The following SPRY4 variants were observed in gnomAD, a reference collection of about 807,000 sequenced individuals.
SPRY4 encodes the protein sprouty RTK signaling antagonist 4.
A neutral mutation model predicts 17.0 loss-of-function variants in SPRY4; 7 were observed. The observed-to-expected ratio is 0.41, with a 90% CI of 0.23 to 0.77. The LOEUF is 0.77. Among genes scored for constraint, SPRY4 ranks in the 30% least tolerant of loss-of-function variants. SPRY4 has a pLI of 0.32. For synonymous variants in SPRY4, 183 were observed against 174.1 expected, an observed-to-expected ratio of 1.05 and a Z score of -0.40; for missense variants, 435 against 419.9, an observed-to-expected ratio of 1.04 and a Z score of -0.31.
At chr5:142,318,496 A>G (rs539867567) in intron 1 of SPRY4, among the ~76,000 whole-genome samples, 2 of 152,192 alleles carry the variant, frequency 1.3e-5, no homozygotes, top group East Asian at 1.9e-4. Flanking sequence ...AAGAAAAAAA[A>G]AAAGAAAGAA....
chr5:142,314,405 C>G lies in SPRY4; in HGVS notation c.704G>C (p.Trp235Ser). ...CACGGAGAGAGCACCCATGAAGGAC[C>G]AGCGGGCGCAGCAGTTGGAGCGGGA... is the stretch of plus-strand genomic sequence containing the variant. ...SCSRSNCCAR[W>S]SFMGALSVVL... Residue 235 changes from tryptophan to serine, a missense_variant, in exon 2 of 2, where the codon TGG becomes TCG. Transcript: ENST00000434127. The surrounding 1 kb of genome is among the most constrained non-coding windows in gnomAD (Gnocchi z 4.8). 6.2e-7 allele frequency: 1 copy of G among 1,613,962 alleles called. No individual in the cohort carries two copies. The highest frequency in any genetic ancestry group is 2.2e-5 in the East Asian group (1 of 44,860).
chr5:142,320,783 T>A (rs1466453337), intron 1 of SPRY4, among the ~76,000 whole-genome samples: 1 of 152,134 alleles, frequency 6.6e-6, no homozygotes, highest in Non-Finnish European at 1.5e-5. Context: ...ATTTGTCTTC[T>A]TACCCTCCAC....
chr5:142,317,786 C>A (rs1021634552), intron 1 of SPRY4: 2 of 985,142 alleles, frequency 2.0e-6, no homozygotes, highest in African/African-American at 3.5e-5. Flanking sequence ...TGGGAGCAGC[C>A]GCTGCAGGCA....
chr5:142,310,608 G>C lies in SPRY4; in HGVS notation c.*3601C>G, dbSNP rs2126978033. The C allele has an allele frequency of 6.6e-6, 1 of 152,534 alleles. No homozygotes were observed. The highest frequency in any genetic ancestry group is 2.4e-5 in the African/African-American group (1 of 41,472). The allele number at this position is 152,534 out of a possible 1,614,324, so 9.4% of individuals were successfully genotyped here. A position where few individuals can be genotyped will look rare whatever the true frequency, so the allele number is the denominator to read the frequency against. On this transcript the variant is annotated 3_prime_UTR_variant, in exon 2 of 2. Transcript: ENST00000434127. The stretch of plus-strand genomic sequence containing the variant: ...AATATTCTATACAAAGAAAACCTGT[G>C]GCAACTTTGTGGTGGGGTGGAAATG...
chr5:142,314,345 G>C lies in SPRY4; in HGVS notation c.764C>G (p.Thr255Ser). The C allele has an allele frequency of 6.2e-7, 1 of 1,614,090 alleles. No individual in the cohort carries two copies. Among genetic ancestry groups the C allele is most frequent in the Non-Finnish European group, 8.5e-7 (1 of 1,179,994 alleles). Residue 255 changes from threonine (T) to serine (S), a missense_variant, in exon 2 of 2, where the codon ACC (threonine) becomes AGC (serine). Transcript: ENST00000434127. The surrounding 1 kb of genome is among the most constrained non-coding windows in gnomAD (Gnocchi z 4.8). ...ACGCTGGGCCAGCTTCACGCAGCCG[G>C]TGGCAGGCAGGTAGCAGAGCAGGCA... The part of the protein sequence containing the change: ...LPCLLCYLPA[T>S]GCVKLAQRGY...
intron 1 of SPRY4, chr5:142,319,936 G>T: frequency 1.4e-6 from 1 of 739,818 alleles, no homozygotes; most frequent in Non-Finnish European, 2.1e-6. Flanking sequence ...TACTTTGAAA[G>T]CTACAGGTCA....
At chr5:142,318,564 A>G (rs908263033) in intron 1 of SPRY4, among the ~76,000 whole-genome samples, 1 of 152,204 alleles carries the variant, frequency 6.6e-6, no homozygotes, top group Non-Finnish European at 1.5e-5. Context: ...CTCACTGAGA[A>G]ACACCCACCC....
In SPRY4 at chr5:142,312,629, C is replaced by T. The variant is rs1206690865; in HGVS notation, c.*1580G>A. On this transcript the variant is annotated 3_prime_UTR_variant, in exon 2 of 2. Coordinates refer to ENST00000434127, the MANE Select transcript of SPRY4 (RefSeq NM_001127496.3). ...TCCAGTTTCACCTGGGGTAGCTCTT[C>T]TGACTCAGGCCATGCCCTCTCATTA... 1 of 152,188 alleles carries T rather than the reference C, an allele frequency of 6.6e-6. No homozygotes were observed. The highest frequency in any genetic ancestry group is 2.4e-5 in the African/African-American group (1 of 41,432). The allele number at this position is 152,188 out of a possible 1,614,324, so 9.4% of individuals were successfully genotyped here. A position where few individuals can be genotyped will look rare whatever the true frequency, so the allele number is the denominator to read the frequency against.
chr5:142,320,729 A>T (rs1012259862), intron 1 of SPRY4, among the ~76,000 whole-genome samples: 1 of 151,802 alleles, frequency 6.6e-6, no homozygotes, highest in Non-Finnish European at 1.5e-5. Context: ...AGAACCCTAG[A>T]CTCCTAGGGC....
At chr5:142,322,134 G>T (rs1759362162) in intron 1 of SPRY4, among the ~76,000 whole-genome samples, 1 of 152,232 alleles carries the variant, frequency 6.6e-6, no homozygotes, top group African/African-American at 2.4e-5. Flanking sequence ...GGGCAGGACA[G>T]ATTTCCAAAG....
intron 1 of SPRY4, among the ~76,000 whole-genome samples, chr5:142,321,387 A>G (rs6897690): frequency 0.8 from 121,786 of 152,184 alleles, 48,959 homozygotes; most frequent in East Asian, 0.98. Flanking sequence ...GCTCTGTTCT[A>G]GCCCCTGGCT....
chr5:142,320,929 G>C (rs938514004), intron 1 of SPRY4, among the ~76,000 whole-genome samples: 2 of 152,174 alleles, frequency 1.3e-5, no homozygotes, highest in Non-Finnish European at 2.9e-5. Context: ...CTGCCCCGAA[G>C]GGCCCCTTCC....
chr5:142,318,823 G>C (rs1759247830), intron 1 of SPRY4, among the ~76,000 whole-genome samples: 1 of 151,360 alleles, frequency 6.6e-6, no homozygotes, highest in Non-Finnish European at 1.5e-5. Flanking sequence ...AAGAGGGAAG[G>C]GACTTTTACC....
chr5:142,321,110 T>G (rs1013144319), intron 1 of SPRY4, among the ~76,000 whole-genome samples: 1 of 152,180 alleles, frequency 6.6e-6, no homozygotes, highest in Non-Finnish European at 1.5e-5. Flanking sequence ...GCTGTCCGGA[T>G]CTGCAGGGTG....
Position 142,312,982 on chromosome 5 carries a change from C to G in SPRY4, c.*1227G>C, listed in dbSNP as rs1174561679. ...AAAATAGACTCTTTTTTCATCATCT[C>G]TCTATTTACATTAAAGATACAGACA... On this transcript the variant is annotated 3_prime_UTR_variant, in exon 2 of 2. Transcript: ENST00000434127. The G allele has an allele frequency of 6.6e-6, 1 of 152,538 alleles. No homozygotes were observed. Among genetic ancestry groups the G allele is most frequent in the East Asian group, 1.9e-4 (1 of 5,178 alleles). 9.4% of individuals were successfully genotyped at this position (152,538 alleles called of 1,614,324 possible).
chr5:142,317,573 A>G, intron 1 of SPRY4: 3 of 984,408 alleles, frequency 3.0e-6, no homozygotes, highest in Non-Finnish European at 3.6e-6. Flanking sequence ...GGGTCTGGTC[A>G]TGCTGTGGAA....
rs566659583 is a variant in SPRY4, at chr5:142,315,315, G to GATTA, written c.-47-164_-47-161dup. Reference sequence around the variant, plus strand: ...TCCAGTGACTCCCCAAGCTTAAGATGATTAATAATGACAAGAAGTCAGTGG... The same window carrying GATTA: ...TCCAGTGACTCCCCAAGCTTAAGATGATTAATTAATAATGACAAGAAGTCAGTGG... On this transcript the variant is annotated intron_variant, in intron 1 of 1. Transcript: ENST00000434127. 279 of 580,456 alleles carry GATTA rather than the reference G, an allele frequency of 4.8e-4. 4 individuals are homozygous for GATTA. Among genetic ancestry groups the GATTA allele is most frequent in the African/African-American group, 4.8e-3 (258 of 53,830 alleles). The allele number at this position is 580,456 out of a possible 1,614,324, so 36.0% of individuals were successfully genotyped here. A position where few individuals can be genotyped will look rare whatever the true frequency, so the allele number is the denominator to read the frequency against.
chr5:142,313,293 A>G lies in SPRY4; in HGVS notation c.*916T>C, dbSNP rs1199913702. ...GGTTTAATTATTCTATAAAAACATA[A>G]TGACTGGATCCAGAGACCACAGCCT... On this transcript the variant is annotated 3_prime_UTR_variant, in exon 2 of 2. Transcript: ENST00000434127. 6.6e-6 allele frequency: 1 copy of G among 152,614 alleles called. No individual in the cohort carries two copies. Among genetic ancestry groups the G allele is most frequent in the Non-Finnish European group, 1.5e-5 (1 of 68,042 alleles). 9.5% of individuals were successfully genotyped at this position (152,614 alleles called of 1,614,324 possible).
At chr5:142,315,505 T>C in intron 1 of SPRY4, 1 of 209,852 alleles carries the variant, frequency 4.8e-6, no homozygotes, top group Non-Finnish European at 9.6e-6. Context: ...CACACAAAAC[T>C]ATCCAAAACT....
Sources: gnomAD v4.1 joint callset for allele counts (sites outside exome capture counted in the v4.1 genomes callset) on GRCh38, gnomAD v4.1.1 for gene constraint, Gnocchi (gnomAD v3.1) non-coding constraint, MANE v1.5 for transcripts, NCBI Gene and HGNC (gene_info 2026-07-23, HGNC 2026-07-21) for gene names.